Variants in PSMD1 observed in about 807,000 individuals in gnomAD.
PSMD1 encodes proteasome 26S subunit, non-ATPase 1, also known as 26S proteasome non-ATPase regulatory subunit 1.
Under a neutral mutation model 119.0 loss-of-function variants are expected in PSMD1, and 18 were observed. The ratio of observed to expected loss-of-function variants is 0.15; its 90% CI spans 0.10 to 0.22. The LOEUF (loss-of-function observed/expected upper bound fraction) is 0.22, where lower values mean the gene tolerates loss of function less well. Ranked by LOEUF, PSMD1 falls within the 10% of genes least tolerant of loss-of-function variation. The pLI, the probability that PSMD1 is intolerant of heterozygous loss-of-function variation, is 1.00. For synonymous variants in PSMD1, 374 were observed against 396.6 expected (o/e 0.94, Z 0.68); for missense variants, 702 against 1,158.5 (o/e 0.61, Z 5.72).
chr2:231,103,997 T>C (rs1471117776), intron 16 of PSMD1, among the ~76,000 whole-genome samples: 1 of 152,114 alleles, frequency 6.6e-6, no homozygotes, highest in Non-Finnish European at 1.5e-5. Flanking sequence ...AACTAGATAA[T>C]TTTAGTATGG....
At chr2:231,088,816 T>C (rs556696717) in intron 16 of PSMD1, among the ~76,000 whole-genome samples, 44 of 152,232 alleles carry the variant, frequency 2.9e-4, no homozygotes, top group Non-Finnish European at 1.0e-4. Context: ...AATCAAAAAC[T>C]AGAAATGATA....
intron 21 of PSMD1, 105 bp downstream of exon 21, chr2:231,163,832 T>G: frequency 1.3e-6 from 1 of 794,154 alleles, no homozygotes; most frequent in Non-Finnish European, 2.0e-6. Flanking sequence ...GTAACACTTC[T>G]TATGCTAACA....
chr2:231,159,496 C>G (rs1271697983), intron 19 of PSMD1, among the ~76,000 whole-genome samples: 1 of 152,196 alleles, frequency 6.6e-6, no homozygotes, highest in Non-Finnish European at 1.5e-5. Flanking sequence ...GACCTACACC[C>G]CCAGTAACAA....
chr2:231,074,880 G>T (rs1694124199), intron 7 of PSMD1, among the ~76,000 whole-genome samples: 1 of 152,064 alleles, frequency 6.6e-6, no homozygotes, highest in Non-Finnish European at 1.5e-5. Context: ...CCAGGCTAGG[G>T]TGCAGTGGTG....
intron 20 of PSMD1, chr2:231,163,368 AC>A: frequency 2.9e-6 from 1 of 348,648 alleles, no homozygotes; most frequent in South Asian, 6.6e-5. Flanking sequence ...AATAGGACTT[AC>A]CCATTGAAGC....
intron 16 of PSMD1, among the ~76,000 whole-genome samples, chr2:231,095,732 C>A (rs552500568): frequency 1.3e-5 from 2 of 152,202 alleles, no homozygotes; most frequent in Non-Finnish European, 2.9e-5. Context: ...AAGTCAATAA[C>A]GGCTAAAGGC....
chr2:231,135,040 C>T (rs533596896), intron 16 of PSMD1, among the ~76,000 whole-genome samples: 1 of 152,186 alleles, frequency 6.6e-6, no homozygotes, highest in Non-Finnish European at 1.5e-5. Context: ...AATATAGTCT[C>T]AGCCCTTGTG....
intron 19 of PSMD1, 71 bp from the exon 20 acceptor site, chr2:231,161,269 T>C (rs1574777906): frequency 3.2e-6 from 4 of 1,249,176 alleles, no homozygotes; most frequent in Non-Finnish European, 3.3e-6. Flanking sequence ...AAGAAAGATA[T>C]CGTTATTATT....
rs895504945 is a variant in PSMD1 at position 231,074,581 on chromosome 2, G to A, written c.882-930G>A. On this transcript the variant is annotated intron_variant, in intron 7 of 24. Transcript: ENST00000308696. ...CTATCATGTTAATTTCTGAGTTTTT[G>A]TACTTCTAATATGTAATAGTCTTGT... 3.3e-5 allele frequency among the ~76,000 whole-genome samples: 5 copies of A among 151,554 alleles called. No homozygotes were observed. In the East Asian group the frequency reaches 5.8e-4, roughly 18 times the overall value.
chr2:231,158,414 A>G (rs769469557), intron 19 of PSMD1, among the ~76,000 whole-genome samples: 55 of 152,350 alleles, frequency 3.6e-4, no homozygotes, highest in Non-Finnish European at 6.0e-4. Context: ...TCAGTGATTC[A>G]GTCTCTTCCG....
At chr2:231,063,160 T>G (rs1693802573) in intron 4 of PSMD1, among the ~76,000 whole-genome samples, 4 of 152,234 alleles carry the variant, frequency 2.6e-5, no homozygotes, top group Non-Finnish European at 5.9e-5. Context: ...TTTTACTCAC[T>G]CTAAAACCCA....
intron 14 of PSMD1, among the ~76,000 whole-genome samples, chr2:231,084,422 ATTC>A: frequency 6.6e-6 from 1 of 152,190 alleles, no homozygotes; most frequent in Middle Eastern, 3.4e-3. Context: ...TTACTTCATT[ATTC>A]TTTTATCAGA....
chr2:231,134,558 A>G (rs1189798824), intron 16 of PSMD1, among the ~76,000 whole-genome samples: 1 of 152,214 alleles, frequency 6.6e-6, no homozygotes, highest in Non-Finnish European at 1.5e-5. Context: ...GATTCCTGCC[A>G]TGCACCCAAG....
Position 231,165,259 on chromosome 2 carries a change from A to T in PSMD1, c.2541A>T (p.Glu847Asp). 1 of 1,603,628 alleles carries T rather than the reference A, an allele frequency of 6.2e-7. No homozygotes were observed. Among genetic ancestry groups the T allele is most frequent in the Non-Finnish European group, 8.5e-7 (1 of 1,173,226 alleles). Residue 847 changes from glutamate to aspartate, a missense_variant, in exon 22 of 25, where the codon GAA (glutamate) becomes GAT (aspartate). Around this residue, in one of 9 missense-constraint regions of PSMD1, gnomAD observed 152 missense variants for 239.3 expected, o/e 0.64. Coordinates refer to ENST00000308696, the MANE Select transcript of PSMD1 (RefSeq NM_002807.4). ...CTAAAAAGAAGGAAAAAGAAAAGGA[A>T]AAAAAGGAGGAGGAGAAAATGGAAG... ...AKAKKKEKEK[E>D]KKEEEKMEVD...
intron 16 of PSMD1, chr2:231,108,776 G>T: frequency 6.2e-7 from 1 of 1,614,102 alleles, no homozygotes; most frequent in Non-Finnish European, 8.5e-7. Context: ...GTAATTGCAG[G>T]TGATATATCG....
At chr2:231,161,931 G>A (rs1696650530) in intron 20 of PSMD1, among the ~76,000 whole-genome samples, 1 of 152,208 alleles carries the variant, frequency 6.6e-6, no homozygotes, top group African/African-American at 2.4e-5. Flanking sequence ...AGTAGTCTGG[G>A]CAAGGAAGAA....
intron 16 of PSMD1, among the ~76,000 whole-genome samples, chr2:231,110,158 A>G (rs1695105783): frequency 6.6e-6 from 1 of 152,156 alleles, no homozygotes; most frequent in Non-Finnish European, 1.5e-5. Flanking sequence ...CATCTCTACT[A>G]AAAATATGAA....
chr2:231,120,527 A>G (rs113713981), intron 16 of PSMD1, among the ~76,000 whole-genome samples: 4 of 152,256 alleles, frequency 2.6e-5, no homozygotes, highest in African/African-American at 9.6e-5. Context: ...ACCTAGCACA[A>G]CTCATTTGAA....
intron 16 of PSMD1, among the ~76,000 whole-genome samples, chr2:231,121,017 A>G (rs572685175): frequency 6.6e-6 from 1 of 152,334 alleles, no homozygotes; most frequent in East Asian, 1.9e-4. Flanking sequence ...TTCCCAATTT[A>G]TGAATTCATC....
Sources: allele counts gnomAD v4.1 joint callset (sites outside exome capture counted in the v4.1 genomes callset), GRCh38; gene constraint gnomAD v4.1.1; regional missense constraint gnomAD v4.1.1; transcripts MANE v1.5; gene names NCBI Gene and HGNC (gene_info 2026-07-23, HGNC 2026-07-21).